ZNF480: variants seen among roughly 807,000 people sequenced by gnomAD.
The protein encoded by ZNF480 is zinc finger protein 480.
A neutral mutation model predicts 14.4 loss-of-function variants in ZNF480; 15 were observed. The ratio of observed to expected loss-of-function variants is 1.04; its 90% CI spans 0.70 to 1.60. The LOEUF is 1.60. Ranked by LOEUF, ZNF480 falls within the 40% of genes most tolerant of loss-of-function variation. The pLI, the probability that ZNF480 is intolerant of heterozygous loss-of-function variation, is 0.00. For missense variants in ZNF480, 593 were observed against 629.7 expected (o/e 0.94, Z 0.62); for synonymous variants, 218 against 215.5 (o/e 1.01, Z -0.10).
intron 2 of ZNF480, among the ~76,000 whole-genome samples, chr19:52,303,018 T>C (rs2122517614): frequency 6.6e-6 from 1 of 152,360 alleles, no homozygotes; most frequent in Admixed American, 6.5e-5. Flanking sequence ...AATAAAGTCA[T>C]TAGCTGTTCA....
intron 4 of ZNF480, among the ~76,000 whole-genome samples, chr19:52,317,045 T>C (rs957792189): frequency 6.6e-6 from 1 of 152,150 alleles, no homozygotes; most frequent in Non-Finnish European, 1.5e-5. Flanking sequence ...TGAGACAGTG[T>C]CTCACTGTCT....
At chr19:52,309,404 A>G (rs1983161454) in intron 2 of ZNF480, among the ~76,000 whole-genome samples, 1 of 152,106 alleles carries the variant, frequency 6.6e-6, no homozygotes, top group Admixed American at 6.5e-5. Context: ...GGCAATAGGA[A>G]GCTGGGGTCT....
chr19:52,317,840 C>G (rs909790519), intron 4 of ZNF480, among the ~76,000 whole-genome samples: 1 of 152,142 alleles, frequency 6.6e-6, no homozygotes, highest in African/African-American at 2.4e-5. Flanking sequence ...TTCGACAACA[C>G]TTGTGATTTT....
chr19:52,322,661 A>G lies in ZNF480; in HGVS notation c.1411A>G (p.Thr471Ala), dbSNP rs769637953. Residue 471 changes from threonine to alanine, a missense_variant, in exon 5 of 5, where the codon ACC becomes GCC. By Grantham distance (58) the Thr-to-Ala change is moderately conservative. Coordinates refer to ENST00000595962, the MANE Select transcript of ZNF480 (RefSeq NM_144684.4). ...GKAFRHKLSL[T>A]NHQRIHTGER... ...GGCATTCAGACACAAGTTATCACTA[A>G]CCAATCATCAGAGAATCCATACTGG... 6.2e-7 allele frequency: 1 copy of G among 1,613,650 alleles called. No individual in the cohort carries two copies. The highest frequency in any genetic ancestry group is 2.2e-5 in the East Asian group (1 of 44,828).
chr19:52,301,718 C>A (rs1982699758), intron 2 of ZNF480: 1 of 152,096 alleles, frequency 6.6e-6, no homozygotes, highest in African/African-American at 2.4e-5. Context: ...GCTGTGACAG[C>A]AATCAATCCC....
At position 52,323,868 on chromosome 19, in the gene ZNF480, C is replaced by G. The variant is rs1206717094; in HGVS notation, c.*1010C>G. ...ATACTGAACAAGCAAAAGCTGGAAG[C>G]ATTCCCCTTGAGAACTGGAAAATGA... is the stretch of plus-strand genomic sequence containing the variant. On this transcript the variant is annotated 3_prime_UTR_variant, in exon 5 of 5. Transcript: ENST00000595962. 2.0e-5 allele frequency: 3 copies of G among 152,290 alleles called. No individual in the cohort carries two copies. The East Asian group carries it at 5.8e-4, about 29-fold the overall frequency. The allele number at this position is 152,290 out of a possible 1,614,324, so 9.4% of individuals were successfully genotyped here.
intron 2 of ZNF480, among the ~76,000 whole-genome samples, chr19:52,309,680 G>T (rs1555798283): frequency 6.6e-6 from 1 of 152,210 alleles, no homozygotes; most frequent in Non-Finnish European, 1.5e-5. Context: ...TGGTGGGCGT[G>T]TGTCACATTT....
At chr19:52,315,987 G>A in intron 4 of ZNF480, 25 bp downstream of exon 4, 1 of 1,556,704 alleles carries the variant, frequency 6.4e-7, no homozygotes. Flanking sequence ...GGGCATGGTG[G>A]AAGCCATGCT....
At chr19:52,319,261 T>C (rs1452491946) in intron 4 of ZNF480, among the ~76,000 whole-genome samples, 1 of 152,230 alleles carries the variant, frequency 6.6e-6, no homozygotes, top group South Asian at 2.1e-4. Flanking sequence ...CTGTAGCATT[T>C]CTTGTTGGAC....
intron 2 of ZNF480, among the ~76,000 whole-genome samples, chr19:52,306,525 C>G (rs1982939615): frequency 6.6e-6 from 1 of 152,164 alleles, no homozygotes; most frequent in African/African-American, 2.4e-5. Flanking sequence ...ATCTGCCCAC[C>G]AAGTTTTAAA....
intron 2 of ZNF480, among the ~76,000 whole-genome samples, chr19:52,310,739 G>C (rs1983232468): frequency 6.6e-6 from 1 of 151,848 alleles, no homozygotes; most frequent in Admixed American, 6.6e-5. Context: ...GGTGGCTCAT[G>C]CCTGTAATCC....
intron 4 of ZNF480, among the ~76,000 whole-genome samples, chr19:52,319,523 TG>T (rs1983707439): frequency 6.6e-6 from 1 of 152,214 alleles, no homozygotes; most frequent in Non-Finnish European, 1.5e-5. Context: ...CTGTCTTTGA[TG>T]TTTGATAATT....
chr19:52,314,940 G>A (rs797015328), intron 3 of ZNF480, among the ~76,000 whole-genome samples: 2 of 152,212 alleles, frequency 1.3e-5, no homozygotes, highest in African/African-American at 4.8e-5. Context: ...ATCATTGGGT[G>A]GTACCAGGGC....
At chr19:52,308,934 C>A (rs746094955) in intron 2 of ZNF480, among the ~76,000 whole-genome samples, 3 of 152,046 alleles carry the variant, frequency 2.0e-5, no homozygotes, top group African/African-American at 7.3e-5. Flanking sequence ...CCATCAAATA[C>A]AAAACATTCC....
chr19:52,315,197 C>T (rs1453006899), intron 3 of ZNF480, among the ~76,000 whole-genome samples: 1 of 152,184 alleles, frequency 6.6e-6, no homozygotes, highest in Non-Finnish European at 1.5e-5. Context: ...AATCCACTTG[C>T]CTCAGCCTCC....
At chr19:52,309,499 G>A (rs1983165026) in intron 2 of ZNF480, among the ~76,000 whole-genome samples, 1 of 152,164 alleles carries the variant, frequency 6.6e-6, no homozygotes, top group South Asian at 2.1e-4. Flanking sequence ...CTGACCTGGG[G>A]CCCTGTTACT....
chr19:52,323,192 C>A lies in ZNF480; in HGVS notation c.*334C>A. On this transcript the variant is annotated 3_prime_UTR_variant, in exon 5 of 5. Transcript: ENST00000595962. Reference sequence around the variant, plus strand: ...CTATAAACACCTGTATGCACACAAACTAGAAAACCTAGAAAAAATTAATAA... The same window carrying A: ...CTATAAACACCTGTATGCACACAAAATAGAAAACCTAGAAAAAATTAATAA... The A allele has an allele frequency of 5.1e-6, 1 of 196,142 alleles. No individual in the cohort carries two copies. Among genetic ancestry groups the A allele is most frequent in the Non-Finnish European group, 1.0e-5 (1 of 97,064 alleles). 12.2% of individuals were successfully genotyped at this position (196,142 alleles called of 1,614,324 possible). A position where few individuals can be genotyped will look rare whatever the true frequency, so the allele number is the denominator to read the frequency against.
intron 2 of ZNF480, among the ~76,000 whole-genome samples, chr19:52,311,158 A>T (rs1983265663): frequency 6.6e-6 from 1 of 151,936 alleles, no homozygotes; most frequent in Non-Finnish European, 1.5e-5. Flanking sequence ...TTTTGTAAAT[A>T]CCAAATAGAT....
At chr19:52,321,443 A>G (rs1384754615) in intron 4 of ZNF480, 136 bp from the exon 5 acceptor site, 4 of 727,542 alleles carry the variant, frequency 5.5e-6, no homozygotes, top group Non-Finnish European at 6.5e-6. Flanking sequence ...TTTCAGCACA[A>G]CCAGCGTGAT....
Sources: allele counts gnomAD v4.1 joint callset (sites outside exome capture counted in the v4.1 genomes callset), GRCh38; gene constraint gnomAD v4.1.1; transcripts MANE v1.5; gene names NCBI Gene and HGNC (gene_info 2026-07-23, HGNC 2026-07-21).